Variants in WDR4 observed in about 807,000 individuals in gnomAD.
The protein encoded by WDR4 is tRNA (guanine-N(7)-)-methyltransferase non-catalytic subunit WDR4.
In WDR4, 47 loss-of-function variants were observed where a neutral mutation model predicts 48.6. The ratio of observed to expected loss-of-function variants is 0.97; its 90% CI spans 0.77 to 1.23. WDR4 has a LOEUF of 1.23. WDR4 is among the 50% of genes most tolerant of loss of function. WDR4 has a pLI of 0.00. For missense variants in WDR4, 606 were observed against 551.6 expected, an observed-to-expected ratio of 1.10 and a Z score of -0.99; for synonymous variants, 268 against 230.0, an observed-to-expected ratio of 1.17 and a Z score of -1.49.
chr21:42,859,552 A>AGGAGCCAGGG (rs1465552260), intron 6 of WDR4, 110 bp downstream of exon 6: 144 of 625,450 alleles, frequency 2.3e-4, no homozygotes, highest in Non-Finnish European at 3.3e-4. Context: ...GGACAGCCAC[A>AGGAGCCAGGG]GCCAGCCAGG....
chr21:42,873,239 C>A (rs1601174346), intron 3 of WDR4, among the ~76,000 whole-genome samples: 2 of 152,216 alleles, frequency 1.3e-5, no homozygotes, highest in East Asian at 3.8e-4. Context: ...AACAGGGGCA[C>A]CAACACTGTA....
intron 6 of WDR4, 69 bp downstream of exon 6, chr21:42,859,593 A>AGGGGG: frequency 1.8e-6 from 1 of 553,760 alleles, no homozygotes; most frequent in Non-Finnish European, 3.1e-6. Context: ...CAGGTCCAGG[A>AGGGGG]GGCGCCCACC....
chr21:42,874,788 C>G lies in WDR4; in HGVS notation c.156-1097G>C, dbSNP rs771215926. ...TCTCCTGATAAGATGTTATCAATGA[C>G]AGTGGTGCCCGAAACTTATTAGCAA... On this transcript the variant is annotated intron_variant, in intron 2 of 10. Coordinates refer to ENST00000398208, the MANE Select transcript of WDR4 (RefSeq NM_018669.6). Among the ~76,000 whole-genome samples the G allele has an allele frequency of 3.9e-5, 6 of 152,146 alleles. No individual in the cohort carries two copies. The South Asian group carries it at 1.2e-3, about 31-fold the overall frequency.
At chr21:42,890,502 C>T in the WDR4 span, among the ~76,000 whole-genome samples, 1 of 152,192 alleles carries the variant, frequency 6.6e-6, no homozygotes, top group Non-Finnish European at 1.5e-5. Flanking sequence ...CGCCACTGCA[C>T]TCCAGCCTGG....
intron 3 of WDR4, among the ~76,000 whole-genome samples, chr21:42,867,671 T>C (rs954811731): frequency 1.3e-5 from 2 of 152,058 alleles, no homozygotes; most frequent in Admixed American, 6.6e-5. Context: ...TTTGGAGGAT[T>C]GTGAATTTCA....
At chr21:42,881,577 C>A (rs951682144), upstream of WDR4, among the ~76,000 whole-genome samples, 1 of 103,176 alleles carries the variant, frequency 9.7e-6, no homozygotes, top group African/African-American at 4.4e-5. Context: ...TTTACAAATC[C>A]TTCACCGTGA....
chr21:42,879,754 A>T (rs2058590992), upstream of WDR4: 3 of 490,570 alleles, frequency 6.1e-6, no homozygotes, highest in Non-Finnish European at 1.1e-5. Flanking sequence ...GCACGATTCC[A>T]AGTACTTGCC....
At chr21:42,867,578 C>A (rs1217659224) in intron 3 of WDR4, among the ~76,000 whole-genome samples, 1 of 152,134 alleles carries the variant, frequency 6.6e-6, no homozygotes, top group Admixed American at 6.5e-5. Flanking sequence ...GGCTCAGCAT[C>A]CCTAACCTAA....
chr21:42,858,974 T>G (rs1464536753), intron 6 of WDR4, among the ~76,000 whole-genome samples: 1 of 152,156 alleles, frequency 6.6e-6, no homozygotes, highest in Non-Finnish European at 1.5e-5. Flanking sequence ...TCAGACCCTG[T>G]GAGGAATCCA....
intron 1 of WDR4, 114 bp downstream of exon 1, chr21:42,879,293 C>T: frequency 6.9e-7 from 1 of 1,449,424 alleles, no homozygotes; most frequent in Non-Finnish European, 9.1e-7. Context: ...AGCGGAGTTC[C>T]CCGGGGTCAC....
rs370550090 is a variant in WDR4, at chr21:42,879,444, C to A, written c.52G>T (p.Gly18Cys). The A allele has an allele frequency of 3.4e-5, 55 of 1,613,670 alleles. No individual in the cohort carries two copies. Among genetic ancestry groups the A allele is most frequent in the Non-Finnish European group, 4.5e-5 (53 of 1,179,890 alleles). ...GAGGTGGCCAGGAATCGGCTGCCGC[C>A]CCGCACCACCAACGTCTGCCCGCAC... ...ALCGQTLVVR[G>C]GSRFLATSIA... The change falls in exon 1 of 11, where the codon GGC becomes TGC. Residue 18 changes from glycine to cysteine, a missense_variant. Gly to Cys is a radical substitution (Grantham distance 159, BLOSUM62 -3). Coordinates refer to ENST00000398208, the MANE Select transcript of WDR4 (RefSeq NM_018669.6).
At chr21:42,879,763 C>T (rs2058591185), upstream of WDR4, 2 of 471,892 alleles carry the variant, frequency 4.2e-6, no homozygotes, top group South Asian at 4.0e-5. Context: ...CAAGTACTTG[C>T]CTAATGTTCA....
At chr21:42,860,887 C>T (rs1314119171) in intron 5 of WDR4, among the ~76,000 whole-genome samples, 2 of 151,350 alleles carry the variant, frequency 1.3e-5, no homozygotes, top group Non-Finnish European at 1.5e-5. Context: ...CAGCGGGAGA[C>T]GGCCAGTGAA....
intron 9 of WDR4, among the ~76,000 whole-genome samples, chr21:42,852,871 C>A (rs1392321102): frequency 6.6e-6 from 1 of 151,012 alleles, no homozygotes; most frequent in Admixed American, 6.6e-5. Flanking sequence ...GCCGAGATAG[C>A]GCCATTGTAC....
At chr21:42,880,091 G>T (rs533280563), upstream of WDR4, among the ~76,000 whole-genome samples, 60 of 151,208 alleles carry the variant, frequency 4.0e-4, no homozygotes, top group Non-Finnish European at 8.3e-4. Flanking sequence ...GATCGCCCCC[G>T]CTGCACTCCA....
At chr21:42,888,137 A>G in the WDR4 span, among the ~76,000 whole-genome samples, 1 of 152,172 alleles carries the variant, frequency 6.6e-6, no homozygotes, top group Non-Finnish European at 1.5e-5. Flanking sequence ...AAATTTTTCA[A>G]TATATTTGTT....
intron 7 of WDR4, among the ~76,000 whole-genome samples, 171 bp from the exon 8 acceptor site, chr21:42,854,797 C>T (rs1174483890): frequency 1.3e-5 from 2 of 152,034 alleles, no homozygotes; most frequent in Admixed American, 6.5e-5. Context: ...TAGCTGATTC[C>T]CTGTTTCCCA....
At chr21:42,879,875 C>CACTTCAAGTGAAATTCA, upstream of WDR4, 1 of 401,588 alleles carries the variant, frequency 2.5e-6, no homozygotes, top group Middle Eastern at 6.3e-4. Flanking sequence ...GGTAAATGAT[C>CACTTCAAGTGAAATTCA]CTTCAAGAAG....
downstream of WDR4, among the ~76,000 whole-genome samples, chr21:42,845,235 AAAC>A (rs1244739800): frequency 1.3e-5 from 2 of 152,258 alleles, 1 homozygote; most frequent in South Asian, 4.1e-4. Flanking sequence ...CAGAAACCAG[AAAC>A]AACAACAAAA....
Sources: gnomAD v4.1 joint callset for allele counts (sites outside exome capture counted in the v4.1 genomes callset) on GRCh38, gnomAD v4.1.1 for gene constraint, MANE v1.5 for transcripts, NCBI Gene and HGNC (gene_info 2026-07-23, HGNC 2026-07-21) for gene names.